HAUS6: variants seen among roughly 807,000 people sequenced by gnomAD.
The protein encoded by HAUS6 is HAUS augmin like complex subunit 6.
A neutral mutation model predicts 106.8 loss-of-function variants in HAUS6; 80 were observed. The ratio of observed to expected loss-of-function variants is 0.75; its 90% CI spans 0.63 to 0.90. The LOEUF (loss-of-function observed/expected upper bound fraction) is 0.90. Among genes scored for constraint, HAUS6 ranks in the 40% least tolerant of loss-of-function variants. HAUS6 has a pLI of 0.00. For synonymous variants in HAUS6, 356 were observed against 379.1 expected (o/e 0.94, Z 0.71); for missense variants, 1,155 against 1,118.1 (o/e 1.03, Z -0.47).
chr9:19,082,128 G>A (rs887520247), intron 8 of HAUS6, among the ~76,000 whole-genome samples: 15 of 152,168 alleles, frequency 9.9e-5, no homozygotes, highest in African/African-American at 2.4e-4. Flanking sequence ...TTATAATGAC[G>A]GAAAGAAAAA....
At chr9:19,095,504 C>CAAAAAA (rs35289506) in intron 2 of HAUS6, among the ~76,000 whole-genome samples, 1 of 136,576 alleles carries the variant, frequency 7.3e-6, no homozygotes, top group Non-Finnish European at 1.6e-5. Context: ...TGATAATCAG[C>CAAAAAA]AAAAAAAAAA....
intron 5 of HAUS6, among the ~76,000 whole-genome samples, chr9:19,088,279 G>C (rs1301761401): frequency 1.3e-5 from 2 of 151,888 alleles, no homozygotes; most frequent in Non-Finnish European, 2.9e-5. Flanking sequence ...AGCTAGGCAT[G>C]GTAGCATGCA....
At chr9:19,090,178 C>A (rs1010110882) in intron 4 of HAUS6, among the ~76,000 whole-genome samples, 1 of 151,798 alleles carries the variant, frequency 6.6e-6, no homozygotes, top group African/African-American at 2.4e-5. Flanking sequence ...TTTTTTAAGG[C>A]AGGCAACTAA....
chr9:19,101,812 C>G (rs1235513271), intron 1 of HAUS6, among the ~76,000 whole-genome samples: 1 of 152,014 alleles, frequency 6.6e-6, no homozygotes, highest in Admixed American at 6.6e-5. Flanking sequence ...CCCAGCTACT[C>G]GGGAGGCTGA....
chr9:19,093,705 C>T (rs1383654959), intron 3 of HAUS6, among the ~76,000 whole-genome samples: 1 of 152,038 alleles, frequency 6.6e-6, no homozygotes, highest in Non-Finnish European at 1.5e-5. Flanking sequence ...CCCGTCTCTA[C>T]TGAAAATACA....
chr9:19,074,353 C>T (rs969115245), intron 11 of HAUS6, among the ~76,000 whole-genome samples: 5 of 152,066 alleles, frequency 3.3e-5, no homozygotes, highest in Non-Finnish European at 7.4e-5. Context: ...ATCATTGCAG[C>T]CTTGAACTCC....
At chr9:19,079,660 C>A (rs140826247) in intron 9 of HAUS6, among the ~76,000 whole-genome samples, 1 of 152,010 alleles carries the variant, frequency 6.6e-6, no homozygotes. Flanking sequence ...AAAAACTGTT[C>A]GAAAGGCTGA....
At chr9:19,071,790 G>A (rs1199065181) in intron 11 of HAUS6, among the ~76,000 whole-genome samples, 1 of 151,794 alleles carries the variant, frequency 6.6e-6, no homozygotes, top group African/African-American at 2.4e-5. Context: ...TGCCCAGGTT[G>A]GTCTCCTAGG....
Position 19,060,196 on chromosome 9 carries a change from G to A in HAUS6, c.1657C>T (p.Pro553Ser), listed in dbSNP as rs754470039. ...ATTTCTTTTCCTTCAGAGAGCTGTG[G>A]TGAATCAGATAAAACTGCTCTGGCA... ...EVARAVLSDS[P>S]QLSEGKEIKL... The change falls in exon 15 of 17, where the codon CCA (proline) becomes TCA (serine). Residue 553 changes from proline (P) to serine (S), a missense_variant. Pro to Ser is a moderately conservative substitution (Grantham distance 74). Transcript: ENST00000380502. 7 of 1,574,614 alleles carry A rather than the reference G, an allele frequency of 4.4e-6. No homozygotes were observed. The South Asian group carries it at 7.1e-5, about 16-fold the overall frequency.
intron 1 of HAUS6, among the ~76,000 whole-genome samples, chr9:19,101,131 T>C (rs916524810): frequency 6.6e-6 from 1 of 152,260 alleles, no homozygotes; most frequent in Non-Finnish European, 1.5e-5. Flanking sequence ...TTTGAGATGA[T>C]GGCTATCCCA....
chr9:19,059,750 T>C (rs952781338), intron 15 of HAUS6, among the ~76,000 whole-genome samples: 2 of 152,204 alleles, frequency 1.3e-5, no homozygotes, highest in African/African-American at 4.8e-5. Flanking sequence ...ACACAGCCTA[T>C]GTACTCTATA....
chr9:19,066,914 G>A (rs1159348753), intron 12 of HAUS6, among the ~76,000 whole-genome samples: 3 of 151,966 alleles, frequency 2.0e-5, no homozygotes, highest in African/African-American at 7.2e-5. Flanking sequence ...AGCTGAGATG[G>A]GAGGATCACT....
Position 19,055,172 on chromosome 9 carries a change from T to C in HAUS6, c.*1171A>G, listed in dbSNP as rs2131090548. On this transcript the variant is annotated 3_prime_UTR_variant, in exon 17 of 17. Coordinates refer to ENST00000380502, the MANE Select transcript of HAUS6 (RefSeq NM_017645.5). ...GCCATCTACTTCCATAAATTTCCCC[T>C]CCACCTTCTTTCCTTGCCAGTTTTT... 6.6e-6 allele frequency: 1 copy of C among 152,320 alleles called. No individual in the cohort carries two copies. Among genetic ancestry groups the C allele is most frequent in the East Asian group, 1.9e-4 (1 of 5,188 alleles). The allele number at this position is 152,320 out of a possible 1,614,324, so 9.4% of individuals were successfully genotyped here.
chr9:19,058,628 T>G lies in HAUS6; in HGVS notation c.2139A>C (p.Thr713=). ...TCCTATTGCCGACAGCAGGGGAGAA[T>G]GTCTCCATTCGGCTAGTTTCTGAAA... is the stretch of plus-strand genomic sequence containing the variant. The part of the protein sequence containing the change: ...TKLSETSRME[T]FSPAVGNRID... Residue 713 remains threonine, a synonymous_variant, in exon 16 of 17, where the codon ACA becomes ACC. Transcript: ENST00000380502. The G allele has an allele frequency of 6.2e-7, 1 of 1,606,612 alleles. No homozygotes were observed. The highest frequency in any genetic ancestry group is 8.5e-7 in the Non-Finnish European group (1 of 1,173,742).
chr9:19,060,342 C>A, intron 14 of HAUS6, 119 bp from the exon 15 acceptor site: 3 of 719,404 alleles, frequency 4.2e-6, no homozygotes, highest in Non-Finnish European at 6.6e-6. Flanking sequence ...TTGCAGACAA[C>A]ACAAAAATAA....
At chr9:19,083,124 G>T in intron 7 of HAUS6, 81 bp from the exon 8 acceptor site, 1 of 681,536 alleles carries the variant, frequency 1.5e-6, no homozygotes, top group Non-Finnish European at 2.3e-6. Context: ...TTCACTCTTA[G>T]TAACAAATTT....
chr9:19,070,240 G>C lies in HAUS6; in HGVS notation c.1355C>G (p.Ala452Gly), dbSNP rs558093369. ...GCRGDSDTLGALHDLANSPAS... is the reference protein window; with the variant it reads ...GCRGDSDTLGGLHDLANSPAS... The stretch of plus-strand genomic sequence containing the variant: ...TTACCTGTTGGCTAGATCATGTAGC[G>C]CTCCCAAGGTATCACTGTCTCCTCT... Residue 452 changes from alanine to glycine, a missense_variant, in exon 12 of 17, where the codon GCG becomes GGG. Physicochemically the swap from Ala to Gly is moderately conservative, Grantham distance 60. Transcript: ENST00000380502. 3.8e-6 allele frequency: 6 copies of C among 1,586,548 alleles called. No homozygotes were observed. The highest frequency in any genetic ancestry group is 5.2e-6 in the Non-Finnish European group (6 of 1,155,994).
chr9:19,053,587 T>C lies in HAUS6; in HGVS notation c.*2756A>G, dbSNP rs1028219094. ...CATGTTTAGCAACATTACATGGTTGTCCTCTTTAAACATTTAAAATAATTA... is the reference window on the plus strand; with the variant it reads ...CATGTTTAGCAACATTACATGGTTGCCCTCTTTAAACATTTAAAATAATTA... On this transcript the variant is annotated 3_prime_UTR_variant, in exon 17 of 17. Coordinates refer to ENST00000380502, the MANE Select transcript of HAUS6 (RefSeq NM_017645.5). The C allele has an allele frequency of 1.3e-5, 2 of 152,234 alleles. No individual in the cohort carries two copies. Among genetic ancestry groups the C allele is most frequent in the African/African-American group, 4.8e-5 (2 of 41,476 alleles). The allele number at this position is 152,234 out of a possible 1,614,324, so 9.4% of individuals were successfully genotyped here.
chr9:19,087,276 G>T, intron 5 of HAUS6, 120 bp from the exon 6 acceptor site: 1 of 679,504 alleles, frequency 1.5e-6, no homozygotes. Context: ...CCACCAGCAA[G>T]CTAAAGGACT....
Sources: allele counts gnomAD v4.1 joint callset (sites outside exome capture counted in the v4.1 genomes callset), GRCh38; gene constraint gnomAD v4.1.1; transcripts MANE v1.5; gene names NCBI Gene and HGNC (gene_info 2026-07-23, HGNC 2026-07-21).